Variants in MLEC observed in about 807,000 individuals in gnomAD.
MLEC encodes the protein oligosaccharyltransferase complex subunit (non-catalytic).
Under a neutral mutation model 28.7 loss-of-function variants are expected in MLEC, and 7 were observed. The observed-to-expected ratio is 0.24, with a 90% CI of 0.14 to 0.46. The LOEUF is 0.46. Ranked by LOEUF, MLEC falls within the 20% of genes least tolerant of loss-of-function variation. The pLI, the probability that MLEC is intolerant of heterozygous loss-of-function variation, is 0.99. For missense variants in MLEC, 237 were observed against 391.1 expected (o/e 0.61, Z 3.32); for synonymous variants, 142 against 164.4 (o/e 0.86, Z 1.04).
chr12:120,696,618 AT>A lies in MLEC; in HGVS notation c.*78del. Reference sequence around the variant, plus strand: ...CAGCCATATTGGTTTTGGTTTCTGTATTTTTCACAATGATTAATGAACAAAA... The same window carrying A: ...CAGCCATATTGGTTTTGGTTTCTGTATTTTCACAATGATTAATGAACAAAA... On this transcript the variant is annotated 3_prime_UTR_variant, in exon 5 of 5. Coordinates refer to ENST00000228506, the MANE Select transcript of MLEC (RefSeq NM_014730.4). This position sits in a 1 kb window ranked among gnomAD's most constrained non-coding sequence, Gnocchi z 5.4. 6.4e-7 allele frequency: 1 copy of A among 1,559,016 alleles called. No individual in the cohort carries two copies.
rs775163211 is a variant in MLEC, at chr12:120,687,482, G to T, written c.186G>T (p.Val62=). ...VNAGGEAHVD[V]HGIHFRKDPL... is the part of the protein sequence containing the mutation. The stretch of plus-strand genomic sequence containing the variant: ...CGGGTGGAGAGGCGCATGTGGACGT[G>T]CACGGGATCCACTTCCGCAAGGACC... Residue 62 remains valine (V), a synonymous_variant, in exon 1 of 5, where the codon GTG becomes GTT. Coordinates refer to ENST00000228506, the MANE Select transcript of MLEC (RefSeq NM_014730.4). This position sits in a 1 kb window ranked among gnomAD's most constrained non-coding sequence, Gnocchi z 8.1. The T allele has an allele frequency of 1.4e-6, 2 of 1,446,834 alleles. No homozygotes were observed. Among genetic ancestry groups the T allele is most frequent in the East Asian group, 5.5e-5 (2 of 36,548 alleles). 89.6% of individuals were successfully genotyped at this position (1,446,834 alleles called of 1,614,324 possible). A position where few individuals can be genotyped will look rare whatever the true frequency, so the allele number is the denominator to read the frequency against.
chr12:120,696,504 G>T lies in MLEC; in HGVS notation c.838G>T (p.Gly280Ter). 2 of 1,614,162 alleles carry T rather than the reference G, an allele frequency of 1.2e-6. No individual in the cohort carries two copies. Among genetic ancestry groups the T allele is most frequent in the East Asian group, 2.2e-5 (1 of 44,886 alleles). The change falls in exon 5 of 5, where the codon GGA becomes TGA. Residue 280 changes from glycine to a stop codon, truncating the protein, a stop_gained. Transcript: ENST00000228506. LOFTEE classifies it high-confidence loss of function. This position sits in a 1 kb window ranked among gnomAD's most constrained non-coding sequence, Gnocchi z 5.4. Reference sequence around the variant, plus strand: ...CATGTTTCCCATCCTGGTGGCCTTCGGAGTCTTCATTCCAACCCTCTTCTG... The same window carrying T: ...CATGTTTCCCATCCTGGTGGCCTTCTGAGTCTTCATTCCAACCCTCTTCTG... Reference protein sequence around the residue: ...SLMFPILVAFGVFIPTLFCLC... With the variant: ...SLMFPILVAF
rs1212320173 is a variant in MLEC at position 120,696,068 on chromosome 12, A to G, written c.650-248A>G. On this transcript the variant is annotated intron_variant, in intron 4 of 4. Transcript: ENST00000228506. This position sits in a 1 kb window ranked among gnomAD's most constrained non-coding sequence, Gnocchi z 5.4. ...TCTGGTTATCTTGGGGCTCTGTAAA[A>G]GTAGAACAGGAAGGTAAGATAGTGA... Among the ~76,000 whole-genome samples, 1 of 152,228 alleles carries G rather than the reference A, an allele frequency of 6.6e-6. No homozygotes were observed. The highest frequency in any genetic ancestry group is 1.5e-5 in the Non-Finnish European group (1 of 68,046).
At chr12:120,691,517 G>A (rs954273047) in intron 1 of MLEC, among the ~76,000 whole-genome samples, 5 of 152,314 alleles carry the variant, frequency 3.3e-5, no homozygotes, top group African/African-American at 9.6e-5. Flanking sequence ...TAGGCCCTTC[G>A]GCCCCCTTCC....
chr12:120,696,204 T>A lies in MLEC; in HGVS notation c.650-112T>A. ...TTTCTGCTACTTCTGGTCTTTTCTC[T>A]GGACCCGGGTTCAATCACAGCAATC... On this transcript the variant is annotated intron_variant, in intron 4 of 4. Transcript: ENST00000228506. The surrounding 1 kb of genome is among the most constrained non-coding windows in gnomAD (Gnocchi z 5.4). 1 of 1,382,816 alleles carries A rather than the reference T, an allele frequency of 7.2e-7. No individual in the cohort carries two copies. The allele number at this position is 1,382,816 out of a possible 1,614,324, so 85.7% of individuals were successfully genotyped here. A position where few individuals can be genotyped will look rare whatever the true frequency, so the allele number is the denominator to read the frequency against.
chr12:120,694,756 A>G lies in MLEC; in HGVS notation c.415-68A>G. 7.0e-7 allele frequency: 1 copy of G among 1,434,608 alleles called. No homozygotes were observed. The highest frequency in any genetic ancestry group is 1.3e-5 in the South Asian group (1 of 75,820). The allele number at this position is 1,434,608 out of a possible 1,614,324, so 88.9% of individuals were successfully genotyped here. ...AACTTCAAGCCCAAACACGTGCATG[A>G]TGTCCAACTGCTTGAAAGGATGTAA... On this transcript the variant is annotated intron_variant, in intron 2 of 4. Coordinates refer to ENST00000228506, the MANE Select transcript of MLEC (RefSeq NM_014730.4). This position sits in a 1 kb window ranked among gnomAD's most constrained non-coding sequence, Gnocchi z 4.5.
chr12:120,692,979 G>C (rs1270233900), intron 1 of MLEC, among the ~76,000 whole-genome samples: 1 of 152,112 alleles, frequency 6.6e-6, no homozygotes, highest in African/African-American at 2.4e-5. Context: ...CTAGCACTTT[G>C]GGAGGCCGAT....
At position 120,687,475 on chromosome 12, in the gene MLEC, T is replaced by C; in HGVS notation, c.179T>C (p.Val60Ala). Residue 60 changes from valine to alanine, a missense_variant, in exon 1 of 5, where the codon GTG (valine) becomes GCG (alanine). Transcript: ENST00000228506. This position sits in a 1 kb window ranked among gnomAD's most constrained non-coding sequence, Gnocchi z 8.1. Reference sequence around the variant, plus strand: ...GTCAACGCGGGTGGAGAGGCGCATGTGGACGTGCACGGGATCCACTTCCGC... The same window carrying C: ...GTCAACGCGGGTGGAGAGGCGCATGCGGACGTGCACGGGATCCACTTCCGC... ...WAVNAGGEAHVDVHGIHFRKD... is the reference protein window; with the variant it reads ...WAVNAGGEAHADVHGIHFRKD... 6.3e-6 allele frequency: 9 copies of C among 1,431,828 alleles called. No homozygotes were observed. The highest frequency in any genetic ancestry group is 7.3e-6 in the Non-Finnish European group (8 of 1,090,988). The allele number at this position is 1,431,828 out of a possible 1,614,324, so 88.7% of individuals were successfully genotyped here. A position where few individuals can be genotyped will look rare whatever the true frequency, so the allele number is the denominator to read the frequency against.
intron 1 of MLEC, among the ~76,000 whole-genome samples, chr12:120,689,573 G>A (rs1397896917): frequency 6.6e-6 from 1 of 152,196 alleles, no homozygotes; most frequent in African/African-American, 2.4e-5. Context: ...CATTTTGCTG[G>A]CTTTAGGTCG....
rs772341467 is a variant in MLEC, at chr12:120,687,344, A to ACTG, written c.65_67dup (p.Leu22dup). On this transcript the variant is annotated inframe_insertion, in exon 1 of 5. Transcript: ENST00000228506. The surrounding 1 kb of genome is among the most constrained non-coding windows in gnomAD (Gnocchi z 8.1). ...AGGGAACCGCTGTGGCGCTCCTGCG[A>ACTG]CTGCTGCTGCTGCTGCTGCCGCCGG... 5.0e-5 allele frequency: 69 copies of ACTG among 1,389,830 alleles called. No individual in the cohort carries two copies. The highest frequency in any genetic ancestry group is 1.5e-4 in the East Asian group (5 of 32,480). The allele number at this position is 1,389,830 out of a possible 1,614,324, so 86.1% of individuals were successfully genotyped here. A position where few individuals can be genotyped will look rare whatever the true frequency, so the allele number is the denominator to read the frequency against.
chr12:120,688,772 A>T (rs1230952691), intron 1 of MLEC, among the ~76,000 whole-genome samples: 2 of 152,242 alleles, frequency 1.3e-5, no homozygotes, highest in African/African-American at 4.8e-5. Flanking sequence ...CTTGGGACAC[A>T]GGGCTGTTTT....
chr12:120,689,246 G>A (rs565001771), intron 1 of MLEC, among the ~76,000 whole-genome samples: 1 of 151,882 alleles, frequency 6.6e-6, no homozygotes, highest in East Asian at 1.9e-4. Context: ...TCTTTGGCTT[G>A]GTCAGCAGTC....
At chr12:120,689,227 G>T (rs1413154353) in intron 1 of MLEC, among the ~76,000 whole-genome samples, 1 of 152,086 alleles carries the variant, frequency 6.6e-6, no homozygotes, top group Non-Finnish European at 1.5e-5. Flanking sequence ...GTGTGTGTGT[G>T]TGTGTGTTTC....
chr12:120,687,991 C>T lies in MLEC; in HGVS notation c.235+460C>T, dbSNP rs1257882142. Among the ~76,000 whole-genome samples, 3 of 152,142 alleles carry T rather than the reference C, an allele frequency of 2.0e-5. No individual in the cohort carries two copies. Among genetic ancestry groups the T allele is most frequent in the African/African-American group, 7.2e-5 (3 of 41,414 alleles). On this transcript the variant is annotated intron_variant, in intron 1 of 4. Transcript: ENST00000228506. This position sits in a 1 kb window ranked among gnomAD's most constrained non-coding sequence, Gnocchi z 8.1. Reference sequence around the variant, plus strand: ...CTTAGCCAGAATAGGAAGGAATCTTCGAAGAGAATGGGCCAGGAAAGTTTG... The same window carrying T: ...CTTAGCCAGAATAGGAAGGAATCTTTGAAGAGAATGGGCCAGGAAAGTTTG...
At position 120,694,902 on chromosome 12, in the gene MLEC, C is replaced by T; in HGVS notation, c.493C>T (p.His165Tyr). 1 of 1,614,164 alleles carries T rather than the reference C, an allele frequency of 6.2e-7. No individual in the cohort carries two copies. The highest frequency in any genetic ancestry group is 8.5e-7 in the Non-Finnish European group (1 of 1,180,020). Residue 165 changes from histidine to tyrosine, a missense_variant, in exon 3 of 5, where the codon CAC becomes TAC. Physicochemically the swap from His to Tyr is moderately conservative, Grantham distance 83 (BLOSUM62 2). Transcript: ENST00000228506. This position sits in a 1 kb window ranked among gnomAD's most constrained non-coding sequence, Gnocchi z 4.5. The part of the protein sequence containing the change: ...IFDRVGHSTA[H>Y]DEIIPMSIRK... ...TGATCGTGTTGGGCATAGCACAGCT[C>T]ACGATGAAATTATACCTATGAGCAT...
At position 120,696,248 on chromosome 12, in the gene MLEC, T is replaced by C. The variant is rs914470980; in HGVS notation, c.650-68T>C. The C allele has an allele frequency of 6.4e-7, 1 of 1,573,508 alleles. No homozygotes were observed. Among genetic ancestry groups the C allele is most frequent in the African/African-American group, 1.4e-5 (1 of 73,454 alleles). On this transcript the variant is annotated intron_variant, in intron 4 of 4. Transcript: ENST00000228506. The surrounding 1 kb of genome is among the most constrained non-coding windows in gnomAD (Gnocchi z 5.4). ...AGCAATCTCTTTATTGTGGCTTATT[T>C]GCTGCTTTTAAGGGTCTCTCTTACT...
chr12:120,695,034 G>C (rs374119362), intron 3 of MLEC, 34 bp downstream of exon 3: 7 of 1,614,114 alleles, frequency 4.3e-6, no homozygotes, highest in Non-Finnish European at 5.9e-6. Flanking sequence ...GCTGAAGAGA[G>C]TGGGTACAGG....
Position 120,696,566 on chromosome 12 carries a change from C to T in MLEC, c.*21C>T, listed in dbSNP as rs748015866. On this transcript the variant is annotated 3_prime_UTR_variant, in exon 5 of 5. Transcript: ENST00000228506. This position sits in a 1 kb window ranked among gnomAD's most constrained non-coding sequence, Gnocchi z 5.4. ...TGTGAGAACAAATGACTATCCTGAA[C>T]AGGGTGGAGGGGTGTGGGAAAGAAA... The T allele has an allele frequency of 2.5e-6, 4 of 1,613,782 alleles. No individual in the cohort carries two copies. The highest frequency in any genetic ancestry group is 1.7e-5 in the Admixed American group (1 of 59,988).
intron 1 of MLEC, among the ~76,000 whole-genome samples, chr12:120,692,024 G>A (rs1209615715): frequency 6.6e-6 from 1 of 152,166 alleles, no homozygotes; most frequent in Admixed American, 6.5e-5. Flanking sequence ...GCCGGGCGTG[G>A]TGATGCGTGC....
Sources: gnomAD v4.1 joint callset for allele counts (sites outside exome capture counted in the v4.1 genomes callset) on GRCh38, gnomAD v4.1.1 for gene constraint, Gnocchi (gnomAD v3.1) non-coding constraint, MANE v1.5 for transcripts, NCBI Gene and HGNC (gene_info 2026-07-23, HGNC 2026-07-21) for gene names.